Variants in PIK3R5 observed in about 807,000 individuals in gnomAD.
The protein encoded by PIK3R5 is phosphoinositide 3-kinase regulatory subunit 5.
PIK3R5 carries 32 observed loss-of-function variants against 94.9 expected under a neutral mutation model. The observed-to-expected ratio is 0.34, with a 90% CI of 0.25 to 0.45. The LOEUF is 0.45. Ranked by LOEUF, PIK3R5 falls within the 20% of genes least tolerant of loss-of-function variation. The probability of loss-of-function intolerance (pLI) is 1.00; values close to 1 mark genes in which losing one functional copy is unlikely to be tolerated. For missense variants in PIK3R5, 853 were observed against 1,144.6 expected (o/e 0.75, Z 3.68); for synonymous variants, 443 against 479.4 (o/e 0.92, Z 0.99).
chr17:8,948,011 C>G (rs1468914279), intron 1 of PIK3R5, among the ~76,000 whole-genome samples: 3 of 138,988 alleles, frequency 2.2e-5, no homozygotes, highest in African/African-American at 8.0e-5. Flanking sequence ...CCACTGCACT[C>G]CAGCCTGGGC....
At chr17:8,895,165 C>T (rs942654083) in intron 5 of PIK3R5, among the ~76,000 whole-genome samples, 5 of 152,202 alleles carry the variant, frequency 3.3e-5, no homozygotes, top group Non-Finnish European at 5.9e-5. Flanking sequence ...GATCCTCACC[C>T]GCTCTCCAAC....
intron 1 of PIK3R5, among the ~76,000 whole-genome samples, chr17:8,962,342 G>C (rs1374902138): frequency 6.6e-6 from 1 of 152,220 alleles, no homozygotes; most frequent in East Asian, 1.9e-4. Context: ...GGGTACAAAA[G>C]AGAATGGCAG....
Position 8,904,774 on chromosome 17 carries a change from T to A in PIK3R5, c.412+3A>T. 1 of 1,614,064 alleles carries A rather than the reference T, an allele frequency of 6.2e-7. No homozygotes were observed. The highest frequency in any genetic ancestry group is 8.5e-7 in the Non-Finnish European group (1 of 1,179,950). On this transcript the variant is annotated splice_donor_region_variant and intron_variant, in intron 5 of 18. Coordinates refer to ENST00000447110, the MANE Select transcript of PIK3R5 (RefSeq NM_001142633.3). This position sits in a 1 kb window ranked among gnomAD's most constrained non-coding sequence, Gnocchi z 5.1. ...CCCCCGTGCCAGCTGCCTCAGTGCT[T>A]ACCTGGGGCCTTGAGTTCAGCATCA... is the stretch of plus-strand genomic sequence containing the variant.
At chr17:8,895,782 G>T (rs1372719547) in intron 5 of PIK3R5, among the ~76,000 whole-genome samples, 2 of 152,126 alleles carry the variant, frequency 1.3e-5, no homozygotes, top group African/African-American at 4.8e-5. Context: ...TTTAATGGGG[G>T]ATATTTAGGA....
At position 8,890,883 on chromosome 17, in the gene PIK3R5, A is replaced by G. The variant is rs1475960468; in HGVS notation, c.512T>C (p.Val171Ala). The change falls in exon 7 of 19, where the codon GTG becomes GCG. Residue 171 changes from valine (V) to alanine (A), a missense_variant. By Grantham distance (64) the Val-to-Ala change is moderately conservative (BLOSUM62 0). Transcript: ENST00000447110. This position sits in a 1 kb window ranked among gnomAD's most constrained non-coding sequence, Gnocchi z 6.1. ...VTVLLLNPVE[V>A]QAEFLAVANK... ...GGCTACAGCAAGGAACTCGGCCTGC[A>G]CTTCCACTGGGTTCAGCAGCAGCAC... 1 of 1,613,872 alleles carries G rather than the reference A, an allele frequency of 6.2e-7. No homozygotes were observed. Among genetic ancestry groups the G allele is most frequent in the Non-Finnish European group, 8.5e-7 (1 of 1,179,962 alleles).
chr17:8,884,032 AT>A lies in PIK3R5; in HGVS notation c.2205+674del, dbSNP rs1162135184. On this transcript the variant is annotated intron_variant, in intron 15 of 18. Coordinates refer to ENST00000447110, the MANE Select transcript of PIK3R5 (RefSeq NM_001142633.3). The surrounding 1 kb of genome is among the most constrained non-coding windows in gnomAD (Gnocchi z 5.8). The stretch of plus-strand genomic sequence containing the variant: ...GCCGCTCTCTGGAATTATCTTGGCT[AT>A]TTCTTTGTTTCCTCGTTTCTTGTCT... 6.6e-6 allele frequency among the ~76,000 whole-genome samples: 1 copy of A among 151,904 alleles called. No homozygotes were observed. The highest frequency in any genetic ancestry group is 1.9e-4 in the East Asian group (1 of 5,166).
intron 1 of PIK3R5, among the ~76,000 whole-genome samples, chr17:8,947,005 G>T (rs949465732): frequency 2.0e-5 from 3 of 152,132 alleles, no homozygotes; most frequent in Admixed American, 1.3e-4. Flanking sequence ...GCTCCATGAG[G>T]GTCCAGCTGA....
At position 8,965,650 on chromosome 17, in the gene PIK3R5, G is replaced by C. The variant is rs2091657799; in HGVS notation, c.-68C>G. The C allele has an allele frequency of 6.6e-6, 1 of 152,264 alleles. No individual in the cohort carries two copies. The highest frequency in any genetic ancestry group is 6.5e-5 in the Admixed American group (1 of 15,290). 9.4% of individuals were successfully genotyped at this position (152,264 alleles called of 1,614,324 possible). Reference sequence around the variant, plus strand: ...CTCCAGCGGCGACTCCCTGCGATTCGGGTGACCGTCGGGACCACCGCGCCC... The same window carrying C: ...CTCCAGCGGCGACTCCCTGCGATTCCGGTGACCGTCGGGACCACCGCGCCC... On this transcript the variant is annotated 5_prime_UTR_variant, in exon 1 of 19. Transcript: ENST00000447110.
chr17:8,962,799 T>C (rs2091589845), intron 1 of PIK3R5, among the ~76,000 whole-genome samples: 1 of 152,230 alleles, frequency 6.6e-6, no homozygotes, highest in Non-Finnish European at 1.5e-5. Flanking sequence ...AATATTTTAC[T>C]ATGTAATATA....
chr17:8,880,258 G>C lies in PIK3R5; in HGVS notation c.*381C>G, dbSNP rs566471799. ...GTCCTCAAGTCTTTGGCAAAGTAAGGGGTAGGCTCAGCCAAGGTTGAGAGA... is the reference window on the plus strand; with the variant it reads ...GTCCTCAAGTCTTTGGCAAAGTAAGCGGTAGGCTCAGCCAAGGTTGAGAGA... On this transcript the variant is annotated 3_prime_UTR_variant, in exon 19 of 19. Transcript: ENST00000447110. 5.6e-4 allele frequency: 97 copies of C among 174,018 alleles called. No homozygotes were observed. In the South Asian group the frequency reaches 0.016, roughly 29 times the overall value. The allele number at this position is 174,018 out of a possible 1,614,324, so 10.8% of individuals were successfully genotyped here. A position where few individuals can be genotyped will look rare whatever the true frequency, so the allele number is the denominator to read the frequency against.
chr17:8,902,748 A>G (rs752059961), intron 5 of PIK3R5, among the ~76,000 whole-genome samples: 9 of 151,858 alleles, frequency 5.9e-5, no homozygotes, highest in Non-Finnish European at 1.3e-4. Context: ...TTTCTTCTGT[A>G]GTTTTTGTGG....
chr17:8,886,042 G>A (rs1362078065), intron 14 of PIK3R5, among the ~76,000 whole-genome samples, 187 bp downstream of exon 14: 2 of 134,144 alleles, frequency 1.5e-5, no homozygotes, highest in Non-Finnish European at 3.2e-5. Flanking sequence ...CCAGGGCCCC[G>A]CCTACCGGGT....
chr17:8,901,262 C>A (rs932695567), intron 5 of PIK3R5, among the ~76,000 whole-genome samples: 2 of 152,174 alleles, frequency 1.3e-5, no homozygotes, highest in Middle Eastern at 3.2e-3. Flanking sequence ...CAGAGTCCAG[C>A]GCCTCCTAAG....
chr17:8,900,603 C>T (rs2151390685), intron 5 of PIK3R5, among the ~76,000 whole-genome samples: 1 of 152,278 alleles, frequency 6.6e-6, no homozygotes, highest in Non-Finnish European at 1.5e-5. Context: ...GAGGAAAAGG[C>T]CATCAGCAGT....
At chr17:8,952,062 A>G (rs994098425) in intron 1 of PIK3R5, among the ~76,000 whole-genome samples, 2 of 152,216 alleles carry the variant, frequency 1.3e-5, no homozygotes, top group South Asian at 2.1e-4. Context: ...TAGAGCAGCC[A>G]TTATGGACCA....
intron 1 of PIK3R5, among the ~76,000 whole-genome samples, chr17:8,960,211 C>T (rs562711446): frequency 8.5e-5 from 13 of 152,242 alleles, no homozygotes; most frequent in Admixed American, 3.3e-4. Flanking sequence ...AGAGAATGCA[C>T]TCAAAAAGCC....
chr17:8,900,430 C>T (rs2090254571), intron 5 of PIK3R5, among the ~76,000 whole-genome samples: 1 of 152,170 alleles, frequency 6.6e-6, no homozygotes, highest in Admixed American at 6.5e-5. Context: ...AATGATTCCC[C>T]GAAACGAGGG....
At chr17:8,919,718 G>T (rs148246939) in intron 1 of PIK3R5, among the ~76,000 whole-genome samples, 4 of 152,260 alleles carry the variant, frequency 2.6e-5, no homozygotes, top group Non-Finnish European at 5.9e-5. Flanking sequence ...CTTGGGATCT[G>T]CAAGAGCTCA....
intron 1 of PIK3R5, among the ~76,000 whole-genome samples, chr17:8,957,096 T>C (rs952539179): frequency 2.0e-5 from 3 of 152,222 alleles, no homozygotes; most frequent in East Asian, 1.9e-4. Context: ...ACTCAAATCA[T>C]GTTCTCAGAA....
Sources: allele counts gnomAD v4.1 joint callset (sites outside exome capture counted in the v4.1 genomes callset), GRCh38; gene constraint gnomAD v4.1.1; non-coding constraint Gnocchi (gnomAD v3.1); transcripts MANE v1.5; gene names NCBI Gene and HGNC (gene_info 2026-07-23, HGNC 2026-07-21).